HIBCH: variants seen among roughly 807,000 people sequenced by gnomAD.
HIBCH encodes the protein 3-hydroxyisobutyryl-CoA hydrolase, also known as 3-hydroxyisobutyryl-CoA hydrolase, mitochondrial.
A neutral mutation model predicts 58.2 loss-of-function variants in HIBCH; 50 were observed. That is an observed-to-expected ratio of 0.86 (90% CI 0.68 to 1.09). HIBCH has a LOEUF of 1.09. HIBCH is among the 50% of genes least tolerant of loss of function. The pLI is 0.00. For synonymous variants in HIBCH, 151 were observed against 146.9 expected (o/e 1.03, Z -0.20); for missense variants, 450 against 449.7 (o/e 1.00, Z -0.01).
chr2:190,259,871 T>C (rs906309626), intron 7 of HIBCH, among the ~76,000 whole-genome samples: 1 of 152,308 alleles, frequency 6.6e-6, no homozygotes, highest in East Asian at 1.9e-4. Context: ...GCAAGGACTT[T>C]CAATACAGCA....
At chr2:190,293,552 T>G (rs1688010550) in intron 4 of HIBCH, among the ~76,000 whole-genome samples, 2 of 152,198 alleles carry the variant, frequency 1.3e-5, no homozygotes, top group South Asian at 4.1e-4. Context: ...TCAGTTTAAG[T>G]AATCAAAGTT....
chr2:190,235,039 T>C (rs1211611432), intron 11 of HIBCH, among the ~76,000 whole-genome samples: 4 of 152,142 alleles, frequency 2.6e-5, no homozygotes, highest in Admixed American at 2.6e-4. Flanking sequence ...ATTACGAGAC[T>C]GAGTGAAGGG....
At chr2:190,228,513 G>C (rs13011138) in intron 11 of HIBCH, among the ~76,000 whole-genome samples, 47,480 of 151,458 alleles carry the variant, frequency 0.31, 8,597 homozygotes, top group African/African-American at 0.48. Context: ...CAAAGCTACA[G>C]GTTGTGCACA....
In HIBCH at chr2:190,294,568, G is replaced by A; in HGVS notation, c.282C>T (p.Phe94=). ...IIIKGAGGKA[F]CAGGDIRVIS... Reference sequence around the variant, plus strand: ...TACCTCTGATATCACCCCCGGCACAGAAAGCCTTTCCTCCTGCTCCCTTTA... The same window carrying A: ...TACCTCTGATATCACCCCCGGCACAAAAAGCCTTTCCTCCTGCTCCCTTTA... The change falls in exon 4 of 14, where the codon TTC becomes TTT. Residue 94 remains phenylalanine, a synonymous_variant. Coordinates refer to ENST00000359678, the MANE Select transcript of HIBCH (RefSeq NM_014362.4). 1 of 1,612,626 alleles carries A rather than the reference G, an allele frequency of 6.2e-7. No individual in the cohort carries two copies. Among genetic ancestry groups the A allele is most frequent in the Non-Finnish European group, 8.5e-7 (1 of 1,179,442 alleles).
At chr2:190,240,926 T>C (rs1686433614) in intron 11 of HIBCH, among the ~76,000 whole-genome samples, 1 of 152,242 alleles carries the variant, frequency 6.6e-6, no homozygotes, top group Non-Finnish European at 1.5e-5. Flanking sequence ...AAGTGCTATG[T>C]GGTACTGAAA....
chr2:190,297,552 A>G (rs1379579991), intron 2 of HIBCH, among the ~76,000 whole-genome samples: 1 of 152,252 alleles, frequency 6.6e-6, no homozygotes, highest in African/African-American at 2.4e-5. Context: ...CAGCCAGATT[A>G]TAATATGACA....
At chr2:190,231,852 T>TA (rs201676224) in intron 11 of HIBCH, among the ~76,000 whole-genome samples, 40 of 151,370 alleles carry the variant, frequency 2.6e-4, no homozygotes, top group East Asian at 1.7e-3. Context: ...ATAACTCACT[T>TA]AAAAAAAAAG....
intron 8 of HIBCH, among the ~76,000 whole-genome samples, chr2:190,251,092 T>C (rs1686750994): frequency 6.6e-6 from 1 of 152,194 alleles, no homozygotes; most frequent in South Asian, 2.1e-4. Flanking sequence ...CAAGAGACTC[T>C]CAATGAAAAA....
chr2:190,221,906 G>A (rs1405803423), intron 11 of HIBCH, among the ~76,000 whole-genome samples: 1 of 152,094 alleles, frequency 6.6e-6, no homozygotes, highest in Non-Finnish European at 1.5e-5. Context: ...CCTTCCTTGA[G>A]AGCCACTTTC....
chr2:190,305,879 T>C (rs1017466927), intron 2 of HIBCH, among the ~76,000 whole-genome samples: 2 of 152,202 alleles, frequency 1.3e-5, no homozygotes, highest in African/African-American at 4.8e-5. Flanking sequence ...GATTTTTTGT[T>C]TTTAATTAAG....
chr2:190,200,019 G>C, downstream of HIBCH: 1 of 1,614,040 alleles, frequency 6.2e-7, no homozygotes, highest in African/African-American at 1.3e-5. Context: ...AACCTCCAGG[G>C]ACCAATACTG....
intron 9 of HIBCH, among the ~76,000 whole-genome samples, chr2:190,248,877 A>C (rs542360628): frequency 5.6e-4 from 83 of 148,468 alleles, no homozygotes; most frequent in African/African-American, 1.6e-3. Context: ...AAAAAAAAAA[A>C]CAAAAAAAAA....
chr2:190,255,092 T>C (rs922763472), intron 7 of HIBCH, among the ~76,000 whole-genome samples: 6 of 152,170 alleles, frequency 3.9e-5, no homozygotes, highest in Admixed American at 3.9e-4. Flanking sequence ...CAATCCATTA[T>C]CCTCAAAGCA....
At chr2:190,288,190 T>C (rs530874012) in intron 5 of HIBCH, among the ~76,000 whole-genome samples, 1 of 89,546 alleles carries the variant, frequency 1.1e-5, no homozygotes, top group Admixed American at 1.2e-4. Context: ...AAGGAAGAGC[T>C]ATGTCACATT....
At chr2:190,303,821 A>G (rs544928067) in intron 2 of HIBCH, among the ~76,000 whole-genome samples, 4 of 152,280 alleles carry the variant, frequency 2.6e-5, no homozygotes, top group East Asian at 3.9e-4. Flanking sequence ...AGCATTACCA[A>G]TGATGTCATG....
intron 3 of HIBCH, among the ~76,000 whole-genome samples, chr2:190,296,569 C>T (rs1176575520): frequency 6.6e-6 from 1 of 152,148 alleles, no homozygotes; most frequent in Non-Finnish European, 1.5e-5. Flanking sequence ...CAAAAAGAAA[C>T]TTGCAAACAA....
chr2:190,294,400 T>G (rs1328253694), intron 4 of HIBCH, 146 bp downstream of exon 4: 2 of 634,430 alleles, frequency 3.2e-6, no homozygotes, highest in Non-Finnish European at 5.6e-6. Context: ...AGTCTTTAAA[T>G]TTTTCTTTTT....
chr2:190,237,815 C>A (rs1445657499), intron 11 of HIBCH, among the ~76,000 whole-genome samples: 1 of 152,014 alleles, frequency 6.6e-6, no homozygotes. Context: ...TGCTCTCCCC[C>A]TCCCTTTGCC....
intron 6 of HIBCH, among the ~76,000 whole-genome samples, chr2:190,265,881 C>T (rs1055349833): frequency 1.3e-5 from 2 of 151,998 alleles, no homozygotes; most frequent in Non-Finnish European, 2.9e-5. Context: ...TTGTAACATA[C>T]TTTGCTTTTA....
Sources: gnomAD v4.1 joint callset for allele counts (sites outside exome capture counted in the v4.1 genomes callset) on GRCh38, gnomAD v4.1.1 for gene constraint, MANE v1.5 for transcripts, NCBI Gene and HGNC (gene_info 2026-07-23, HGNC 2026-07-21) for gene names.